The following GLI3 variants were observed in gnomAD, a reference collection of about 807,000 sequenced individuals.
GLI3 encodes transcription activator GLI3.
GLI3 carries 20 observed loss-of-function variants against 100.8 expected under a neutral mutation model. The ratio of observed to expected loss-of-function variants is 0.20; its 90% CI spans 0.14 to 0.29. The LOEUF is 0.29. Ranked by LOEUF, GLI3 falls within the 10% of genes least tolerant of loss-of-function variation. The probability of loss-of-function intolerance (pLI) is 1.00; values close to 1 mark genes in which losing one functional copy is unlikely to be tolerated. For missense variants in GLI3, 2,040 were observed against 2,128.5 expected, an observed-to-expected ratio of 0.96 and a Z score of 0.82; for synonymous variants, 938 against 860.5, an observed-to-expected ratio of 1.09 and a Z score of -1.58.
chr7:41,964,519 C>G lies in GLI3; in HGVS notation c.4554G>C (p.Leu1518=), dbSNP rs769537011. The G allele has an allele frequency of 6.2e-7, 1 of 1,614,076 alleles. No homozygotes were observed. Among genetic ancestry groups the G allele is most frequent in the East Asian group, 2.2e-5 (1 of 44,874 alleles). ...AIIDDGDHSS[L]MSGALSPSII... ...TACTTGGGCTCAGGGCCCCCGACAT[C>G]AGGCTGGAGTGGTCCCCATCGTCTA... is the stretch of plus-strand genomic sequence containing the variant. Residue 1518 remains leucine (L), a synonymous_variant, in exon 15 of 15, where the codon CTG becomes CTC. Coordinates refer to ENST00000395925, the MANE Select transcript of GLI3 (RefSeq NM_000168.6).
chr7:42,093,846 CTT>C (rs1374775020), intron 3 of GLI3, among the ~76,000 whole-genome samples: 1 of 152,068 alleles, frequency 6.6e-6, no homozygotes, highest in African/African-American at 2.4e-5. Flanking sequence ...AACACTGTTT[CTT>C]TATCCAAAGC....
intron 4 of GLI3, among the ~76,000 whole-genome samples, chr7:42,076,208 T>G (rs1447174307): frequency 1.3e-5 from 2 of 152,254 alleles, no homozygotes; most frequent in Admixed American, 1.3e-4. Context: ...CTAATGTATG[T>G]TATCACTAGC....
intron 3 of GLI3, among the ~76,000 whole-genome samples, chr7:42,110,851 C>T (rs543790576): frequency 1.3e-5 from 2 of 152,146 alleles, no homozygotes; most frequent in Non-Finnish European, 2.9e-5. Flanking sequence ...TGATTGTCTG[C>T]CCCAAGGACA....
rs565817241 is a variant in GLI3, at chr7:42,045,434, G to C, written c.776C>G (p.Ala259Gly). The change falls in exon 6 of 15, where the codon GCC becomes GGC. Residue 259 changes from alanine to glycine, a missense_variant. Coordinates refer to ENST00000395925, the MANE Select transcript of GLI3 (RefSeq NM_000168.6). ...GTGGATGGCCCCCGTGCCGGCGGTG[G>C]CAGCTGAGGGAATAATGTCTGCATA... ...SPYADIIPSAATAGTGAIHME... is the reference protein window; with the variant it reads ...SPYADIIPSAGTAGTGAIHME... 10 of 1,613,892 alleles carry C rather than the reference G, an allele frequency of 6.2e-6. No individual in the cohort carries two copies. Among genetic ancestry groups the C allele is most frequent in the Admixed American group, 3.3e-5 (2 of 60,026 alleles).
intron 3 of GLI3, among the ~76,000 whole-genome samples, chr7:42,120,843 A>G (rs1785979825): frequency 3.3e-5 from 5 of 152,216 alleles, no homozygotes; most frequent in Admixed American, 3.3e-4. Flanking sequence ...TTTGGGGATC[A>G]ACAATTATCA....
chr7:42,157,698 G>A (rs1787037197), intron 2 of GLI3, among the ~76,000 whole-genome samples: 1 of 152,124 alleles, frequency 6.6e-6, no homozygotes, highest in Admixed American at 6.5e-5. Context: ...TACAGAAAAA[G>A]CTGATTTGTT....
intron 2 of GLI3, among the ~76,000 whole-genome samples, chr7:42,194,732 C>T (rs1787892309): frequency 2.0e-5 from 3 of 148,530 alleles, no homozygotes; most frequent in African/African-American, 7.5e-5. Flanking sequence ...TAACATGTCT[C>T]TAATGCATCA....
intron 3 of GLI3, among the ~76,000 whole-genome samples, chr7:42,138,616 A>G (rs1786487174): frequency 6.6e-6 from 1 of 152,228 alleles, no homozygotes; most frequent in Admixed American, 6.5e-5. Flanking sequence ...ACACAGGGGT[A>G]GGGGAAGGGA....
In GLI3 at chr7:42,086,861, G is replaced by A. The variant is rs116815577; in HGVS notation, c.368-10004C>T. Among the ~76,000 whole-genome samples the A allele has an allele frequency of 2.7e-3, 407 of 152,246 alleles. 4 individuals are homozygous for A. Among genetic ancestry groups the A allele is most frequent in the African/African-American group, 9.3e-3 (386 of 41,520 alleles). ...TCTGACGGCCCTGTGCTCATCCTCA[G>A]TGCGCTTCCTCAGACAAGCACACAT... On this transcript the variant is annotated intron_variant, in intron 3 of 14. Transcript: ENST00000395925.
intron 4 of GLI3, among the ~76,000 whole-genome samples, chr7:42,049,613 A>G (rs1784313007): frequency 6.6e-6 from 1 of 152,206 alleles, no homozygotes; most frequent in Non-Finnish European, 1.5e-5. Flanking sequence ...TGCTACCACG[A>G]TATCCTGATC....
intron 2 of GLI3, among the ~76,000 whole-genome samples, chr7:42,175,474 C>T (rs935844892): frequency 2.6e-5 from 4 of 152,092 alleles, no homozygotes; most frequent in African/African-American, 9.7e-5. Flanking sequence ...AAAAATTAGC[C>T]AGGCGTGGTG....
At chr7:42,051,500 ACT>A (rs1314706759) in intron 4 of GLI3, among the ~76,000 whole-genome samples, 1 of 152,234 alleles carries the variant, frequency 6.6e-6, no homozygotes, top group African/African-American at 2.4e-5. Flanking sequence ...TACATCACAT[ACT>A]GTGCTAACAT....
chr7:42,049,731 G>A (rs758928562), intron 4 of GLI3, among the ~76,000 whole-genome samples: 1 of 152,072 alleles, frequency 6.6e-6, no homozygotes, highest in Non-Finnish European at 1.5e-5. Flanking sequence ...ATAACCTCCT[G>A]GACCACCAAG....
At chr7:42,032,755 T>C (rs1247831564) in intron 7 of GLI3, among the ~76,000 whole-genome samples, 1 of 152,198 alleles carries the variant, frequency 6.6e-6, no homozygotes, top group South Asian at 2.1e-4. Context: ...TCAAGAAATT[T>C]GTTTTTATAT....
chr7:42,043,666 A>G (rs896578186), intron 6 of GLI3, among the ~76,000 whole-genome samples: 3 of 152,230 alleles, frequency 2.0e-5, no homozygotes, highest in Non-Finnish European at 4.4e-5. Flanking sequence ...CAATCAATTT[A>G]CCATATACTC....
At chr7:42,128,018 C>CA (rs762509904) in intron 3 of GLI3, among the ~76,000 whole-genome samples, 29,058 of 84,526 alleles carry the variant, frequency 0.34, 3,641 homozygotes, top group South Asian at 0.48. Flanking sequence ...GACCCTGACT[C>CA]AAAAAAAAAA....
chr7:42,147,988 G>A lies in GLI3; in HGVS notation c.367+238C>T, dbSNP rs563721899. Among the ~76,000 whole-genome samples the A allele has an allele frequency of 4.6e-5, 7 of 152,208 alleles. No individual in the cohort carries two copies. In the South Asian group the frequency reaches 6.2e-4, roughly 14 times the overall value. ...CAAATGGACCACTCTCCTGAAGGCCGCCCCACTGAAGACTGATGTTGCTTA... is the reference window on the plus strand; with the variant it reads ...CAAATGGACCACTCTCCTGAAGGCCACCCCACTGAAGACTGATGTTGCTTA... On this transcript the variant is annotated intron_variant, in intron 3 of 14. Coordinates refer to ENST00000395925, the MANE Select transcript of GLI3 (RefSeq NM_000168.6).
intron 2 of GLI3, among the ~76,000 whole-genome samples, chr7:42,171,891 T>C (rs1392446981): frequency 6.6e-6 from 1 of 152,130 alleles, no homozygotes; most frequent in African/African-American, 2.4e-5. Context: ...TTTAATGGTA[T>C]TTGGGGGCAG....
intron 2 of GLI3, among the ~76,000 whole-genome samples, chr7:42,192,600 A>G (rs1172260177): frequency 6.6e-6 from 1 of 152,220 alleles, no homozygotes; most frequent in African/African-American, 2.4e-5. Flanking sequence ...AAAAAGAACC[A>G]AAGAGAGATG....
Sources: allele counts gnomAD v4.1 joint callset (sites outside exome capture counted in the v4.1 genomes callset), GRCh38; gene constraint gnomAD v4.1.1; transcripts MANE v1.5; gene names NCBI Gene and HGNC (gene_info 2026-07-23, HGNC 2026-07-21).